The following ADAMTSL1 variants were observed in gnomAD, a reference collection of about 807,000 sequenced individuals.
ADAMTSL1 encodes the protein ADAMTS like 1, also known as ADAMTS-like protein 1.
ADAMTSL1 carries 126 observed loss-of-function variants against 201.8 expected under a neutral mutation model. The observed-to-expected ratio is 0.62, with a 90% CI of 0.54 to 0.72. ADAMTSL1 has a LOEUF of 0.72. Ranked by LOEUF, ADAMTSL1 falls within the 30% of genes least tolerant of loss-of-function variation. The pLI is 0.00. For missense variants in ADAMTSL1, 2,679 were observed against 2,277.8 expected, an observed-to-expected ratio of 1.18 and a Z score of -3.59; for synonymous variants, 1,121 against 903.4, an observed-to-expected ratio of 1.24 and a Z score of -4.32.
intron 2 of ADAMTSL1, among the ~76,000 whole-genome samples, chr9:18,449,347 A>G (rs1184738677): frequency 6.6e-6 from 1 of 151,734 alleles, no homozygotes. Flanking sequence ...TTTGTAAAAC[A>G]GTGATTAGAG....
At chr9:18,013,481 G>A (rs926974794) in intron 1 of ADAMTSL1, among the ~76,000 whole-genome samples, 5 of 151,998 alleles carry the variant, frequency 3.3e-5, no homozygotes, top group Non-Finnish European at 1.5e-5. Context: ...GAGCAACAAA[G>A]TTTGTAAATT....
At position 18,776,836 on chromosome 9, in the gene ADAMTSL1, C is replaced by G. The variant is rs755677480; in HGVS notation, c.2607C>G (p.Val869=). The G allele has an allele frequency of 1.9e-6, 3 of 1,595,274 alleles. No homozygotes were observed. Among genetic ancestry groups the G allele is most frequent in the South Asian group, 2.3e-5 (2 of 88,602 alleles). Residue 869 remains valine (V), a synonymous_variant, in exon 19 of 29, where the codon GTC becomes GTG. Transcript: ENST00000380548. ...HSPHIAAARK[V]YIQTRRQRKL... ...CGCACATCGCGGCCGCCAGGAAGGT[C>G]TACATACAGACTCGCAGGCAGAGGA... is the stretch of plus-strand genomic sequence containing the variant.
intron 21 of ADAMTSL1, among the ~76,000 whole-genome samples, chr9:18,821,336 G>T (rs1163789548): frequency 6.6e-6 from 1 of 152,216 alleles, no homozygotes; most frequent in Non-Finnish European, 1.5e-5. Flanking sequence ...GTCACAGGAT[G>T]CTGGTGGGTC....
intron 20 of ADAMTSL1, 117 bp downstream of exon 20, chr9:18,795,641 G>A: frequency 8.7e-7 from 1 of 1,151,166 alleles, no homozygotes; most frequent in Non-Finnish European, 1.2e-6. Context: ...CCATCTTCAG[G>A]GAGTTTGTAA....
intron 15 of ADAMTSL1, among the ~76,000 whole-genome samples, chr9:18,728,780 A>G (rs1208326868): frequency 6.6e-6 from 1 of 152,186 alleles, no homozygotes; most frequent in African/African-American, 2.4e-5. Context: ...AGTGGAAGCC[A>G]GTGTTAGAGA....
At chr9:18,791,686 A>G (rs1362124171) in intron 19 of ADAMTSL1, among the ~76,000 whole-genome samples, 2 of 152,224 alleles carry the variant, frequency 1.3e-5, no homozygotes, top group Non-Finnish European at 2.9e-5. Flanking sequence ...TCCCATGTAG[A>G]TTCTGTCTTA....
intron 2 of ADAMTSL1, among the ~76,000 whole-genome samples, chr9:18,180,592 C>T (rs1828420064): frequency 6.7e-6 from 1 of 150,144 alleles, no homozygotes; most frequent in African/African-American, 2.5e-5. Flanking sequence ...TGTGAAGGAC[C>T]TCTTCAAGGA....
At chr9:18,723,337 C>A (rs1027743869) in intron 15 of ADAMTSL1, 2 of 517,502 alleles carry the variant, frequency 3.9e-6, no homozygotes, top group Non-Finnish European at 7.0e-6. Context: ...GTCTTTCTAA[C>A]CACATTCCTG....
intron 2 of ADAMTSL1, among the ~76,000 whole-genome samples, chr9:18,304,824 G>C (rs896184236): frequency 6.6e-6 from 1 of 152,112 alleles, no homozygotes; most frequent in Non-Finnish European, 1.5e-5. Context: ...AATTAGGAAA[G>C]TTTTTACTAT....
At chr9:18,729,503 G>A (rs1424413039) in intron 15 of ADAMTSL1, among the ~76,000 whole-genome samples, 5 of 152,192 alleles carry the variant, frequency 3.3e-5, no homozygotes, top group African/African-American at 1.2e-4. Context: ...ACATTGAAAT[G>A]CTGAATGTTT....
chr9:18,329,550 A>G (rs1380033615), intron 2 of ADAMTSL1, among the ~76,000 whole-genome samples: 1 of 152,172 alleles, frequency 6.6e-6, no homozygotes, highest in Non-Finnish European at 1.5e-5. Context: ...AGGATTTGTT[A>G]TGTTTTTCTC....
chr9:18,453,442 A>T (rs1490542008), intron 2 of ADAMTSL1, among the ~76,000 whole-genome samples: 1 of 152,052 alleles, frequency 6.6e-6, no homozygotes, highest in Non-Finnish European at 1.5e-5. Context: ...CTCCTTAGCA[A>T]ATGGTCACTT....
chr9:18,267,397 T>A (rs1183485045), intron 2 of ADAMTSL1, among the ~76,000 whole-genome samples: 2 of 152,128 alleles, frequency 1.3e-5, no homozygotes, highest in African/African-American at 4.8e-5. Context: ...GACTCTTGCA[T>A]GTGGCCAGAT....
chr9:18,808,079 A>G (rs1342750989), intron 20 of ADAMTSL1, among the ~76,000 whole-genome samples: 2 of 152,200 alleles, frequency 1.3e-5, no homozygotes, highest in East Asian at 1.9e-4. Flanking sequence ...AAATTGTAAT[A>G]GAGATCTAGT....
intron 7 of ADAMTSL1, among the ~76,000 whole-genome samples, chr9:18,652,261 A>T (rs1210857772): frequency 6.6e-6 from 1 of 150,996 alleles, no homozygotes; most frequent in Non-Finnish European, 1.5e-5. Flanking sequence ...GATCCCAGCT[A>T]CTCGGGAGGC....
chr9:18,504,725 C>T, intron 1 of ADAMTSL1, 104 bp from the exon 2 acceptor site: 6 of 1,519,350 alleles, frequency 3.9e-6, no homozygotes, highest in East Asian at 2.3e-5. Context: ...TCATTCCTAG[C>T]AAAGCCACCA....
At chr9:18,608,649 A>G (rs1825184484) in intron 4 of ADAMTSL1, among the ~76,000 whole-genome samples, 1 of 152,174 alleles carries the variant, frequency 6.6e-6, no homozygotes, top group African/African-American at 2.4e-5. Context: ...AGAGTTAGAA[A>G]GAGTAGCCAA....
chr9:18,537,802 A>G (rs891641134), intron 3 of ADAMTSL1, among the ~76,000 whole-genome samples: 7 of 150,814 alleles, frequency 4.6e-5, no homozygotes, highest in Admixed American at 1.3e-4. Flanking sequence ...TGAGCCCAGG[A>G]GTTTGAAGTT....
chr9:18,605,661 C>T (rs1303784902), intron 4 of ADAMTSL1, among the ~76,000 whole-genome samples: 7 of 152,184 alleles, frequency 4.6e-5, no homozygotes, highest in African/African-American at 1.7e-4. Flanking sequence ...TTTGTAACTG[C>T]ATCACCCCGG....
Sources: allele counts gnomAD v4.1 joint callset (sites outside exome capture counted in the v4.1 genomes callset), GRCh38; gene constraint gnomAD v4.1.1; transcripts MANE v1.5; gene names NCBI Gene and HGNC (gene_info 2026-07-23, HGNC 2026-07-21).